Variants in ITFG1 observed in about 807,000 individuals in gnomAD.
ITFG1 encodes the protein T-cell immunomodulatory protein.
A neutral mutation model predicts 81.8 loss-of-function variants in ITFG1; 34 were observed. The observed-to-expected ratio is 0.42, with a 90% CI of 0.32 to 0.55. The LOEUF (loss-of-function observed/expected upper bound fraction) is 0.55. Among genes scored for constraint, ITFG1 ranks in the 20% least tolerant of loss-of-function variants. The pLI is 0.17. For synonymous variants in ITFG1, 285 were observed against 270.6 expected (o/e 1.05, Z -0.52); for missense variants, 672 against 755.4 (o/e 0.89, Z 1.29).
intron 14 of ITFG1, among the ~76,000 whole-genome samples, chr16:47,215,101 C>T (rs1226014655): frequency 1.3e-5 from 2 of 151,944 alleles, no homozygotes; most frequent in Admixed American, 1.3e-4. Flanking sequence ...ATTTTATGAC[C>T]CGACAATGGG....
chr16:47,213,399 A>G (rs1368505352), intron 14 of ITFG1, among the ~76,000 whole-genome samples: 2 of 152,172 alleles, frequency 1.3e-5, no homozygotes, highest in African/African-American at 4.8e-5. Context: ...TGGGCAGATT[A>G]TTCTATAAAT....
chr16:47,159,847 T>C (rs979962463), intron 16 of ITFG1, among the ~76,000 whole-genome samples: 2 of 152,140 alleles, frequency 1.3e-5, no homozygotes, highest in Non-Finnish European at 2.9e-5. Context: ...AATTAAAATT[T>C]ATTGATCCAT....
intron 9 of ITFG1, chr16:47,312,073 C>A (rs1317031698): frequency 6.6e-6 from 1 of 152,084 alleles, no homozygotes; most frequent in Non-Finnish European, 1.5e-5. Flanking sequence ...ATATTAATGG[C>A]CATGAAGAGA....
chr16:47,406,385 C>G (rs1968729467), intron 6 of ITFG1, among the ~76,000 whole-genome samples: 1 of 152,198 alleles, frequency 6.6e-6, no homozygotes, highest in South Asian at 2.1e-4. Context: ...GAAGCTCATT[C>G]AATAGTGTAT....
At chr16:47,214,958 A>ACACG (rs1160435254) in intron 14 of ITFG1, among the ~76,000 whole-genome samples, 6 of 142,874 alleles carry the variant, frequency 4.2e-5, no homozygotes, top group Admixed American at 6.9e-5. Context: ...ACACACACAC[A>ACACG]CACGCACGCA....
At chr16:47,341,627 G>T (rs1967786072) in intron 8 of ITFG1, among the ~76,000 whole-genome samples, 1 of 151,682 alleles carries the variant, frequency 6.6e-6, no homozygotes, top group South Asian at 2.1e-4. Flanking sequence ...ACTAGAGAAA[G>T]ATAAAGAAAA....
chr16:47,386,831 G>C (rs1968469266), intron 6 of ITFG1, among the ~76,000 whole-genome samples: 1 of 152,204 alleles, frequency 6.6e-6, no homozygotes, highest in Non-Finnish European at 1.5e-5. Flanking sequence ...TTAAAACAGA[G>C]TGTGGGGAAG....
intron 6 of ITFG1, among the ~76,000 whole-genome samples, chr16:47,379,150 C>G (rs1968363520): frequency 6.6e-6 from 1 of 152,056 alleles, no homozygotes; most frequent in Non-Finnish European, 1.5e-5. Context: ...AAGGCTGGAC[C>G]CACTCACCAC....
At chr16:47,446,740 A>G (rs1473447281) in intron 5 of ITFG1, among the ~76,000 whole-genome samples, 1 of 152,212 alleles carries the variant, frequency 6.6e-6, no homozygotes, top group Non-Finnish European at 1.5e-5. Flanking sequence ...CTAATGAAAG[A>G]GGACTTAATC....
intron 10 of ITFG1, among the ~76,000 whole-genome samples, chr16:47,270,343 A>C (rs1459920293): frequency 6.7e-6 from 1 of 148,936 alleles, no homozygotes; most frequent in Non-Finnish European, 1.5e-5. Flanking sequence ...AATATATAAA[A>C]ATCTTTCAAT....
In ITFG1 at chr16:47,289,429, G is replaced by T. The variant is rs148758390; in HGVS notation, c.1070+21811C>A. On this transcript the variant is annotated intron_variant, in intron 10 of 17. Coordinates refer to ENST00000320640, the MANE Select transcript of ITFG1 (RefSeq NM_030790.5). ...TGAAATACCTTAAGAATTGATATTA[G>T]TTCTTTATTTAATGTTTTATAGAAT... Among the ~76,000 whole-genome samples the T allele has an allele frequency of 1.7e-3, 252 of 152,224 alleles. 2 individuals carry two copies. Among genetic ancestry groups the T allele is most frequent in the African/African-American group, 5.6e-3 (233 of 41,544 alleles).
chr16:47,272,156 T>C lies in ITFG1; in HGVS notation c.1071-11461A>G, dbSNP rs531258016. Among the ~76,000 whole-genome samples the C allele has an allele frequency of 2.0e-4, 31 of 152,152 alleles. No homozygotes were observed. The South Asian group carries it at 4.6e-3, about 22-fold the overall frequency. ...TATACCAAGTCAAATAAACCAGTCA[T>C]AAAGTAACACATATTGTATAACTGC... On this transcript the variant is annotated intron_variant, in intron 10 of 17. Transcript: ENST00000320640.
At chr16:47,452,131 A>T (rs1969397034) in intron 4 of ITFG1, among the ~76,000 whole-genome samples, 2 of 152,204 alleles carry the variant, frequency 1.3e-5, no homozygotes, top group South Asian at 4.1e-4. Flanking sequence ...TCTAATGGCC[A>T]CTGACACACT....
intron 10 of ITFG1, among the ~76,000 whole-genome samples, chr16:47,268,999 G>A (rs971736833): frequency 2.6e-5 from 4 of 152,132 alleles, no homozygotes; most frequent in Non-Finnish European, 5.9e-5. Context: ...AGGAATAGAA[G>A]AAAAATTCTC....
intron 6 of ITFG1, among the ~76,000 whole-genome samples, chr16:47,424,865 T>A (rs1219917226): frequency 6.6e-6 from 1 of 151,980 alleles, no homozygotes; most frequent in Non-Finnish European, 1.5e-5. Context: ...TGCTGGGAGG[T>A]GTCTCCTAGT....
At chr16:47,226,562 C>T (rs1221157089) in intron 13 of ITFG1, among the ~76,000 whole-genome samples, 2 of 137,874 alleles carry the variant, frequency 1.5e-5, no homozygotes, top group Admixed American at 7.7e-5. Context: ...GTGATGTTCC[C>T]GTTCCTGTGT....
chr16:47,367,003 ACCAGT>A (rs1968186114), intron 7 of ITFG1, among the ~76,000 whole-genome samples: 1 of 152,154 alleles, frequency 6.6e-6, no homozygotes, highest in African/African-American at 2.4e-5. Context: ...TACCCTAGAC[ACCAGT>A]CCAAAGTTTG....
chr16:47,421,555 G>C (rs542050357), intron 6 of ITFG1, among the ~76,000 whole-genome samples: 6 of 152,132 alleles, frequency 3.9e-5, no homozygotes, highest in African/African-American at 1.2e-4. Context: ...CGCCCGCCTT[G>C]GCCTCCCAAA....
At chr16:47,217,656 G>A (rs1376055926) in intron 14 of ITFG1, among the ~76,000 whole-genome samples, 1 of 152,228 alleles carries the variant, frequency 6.6e-6, no homozygotes, top group Non-Finnish European at 1.5e-5. Context: ...CAGGTGCAGT[G>A]GCTCACGCCT....
Sources: gnomAD v4.1 joint callset for allele counts (sites outside exome capture counted in the v4.1 genomes callset) on GRCh38, gnomAD v4.1.1 for gene constraint, MANE v1.5 for transcripts, NCBI Gene and HGNC (gene_info 2026-07-23, HGNC 2026-07-21) for gene names.